EIF4B: variants seen among roughly 807,000 people sequenced by gnomAD.
The protein encoded by EIF4B is eukaryotic translation initiation factor 4B.
Under a neutral mutation model 79.3 loss-of-function variants are expected in EIF4B, and 8 were observed. That is an observed-to-expected ratio of 0.10 (90% CI 0.06 to 0.18). The LOEUF (loss-of-function observed/expected upper bound fraction) is 0.18, where lower values mean the gene tolerates loss of function less well. EIF4B is among the 10% of genes least tolerant of loss of function. EIF4B has a pLI of 1.00. For missense variants in EIF4B, 515 were observed against 792.4 expected (o/e 0.65, Z 4.20); for synonymous variants, 238 against 274.7 (o/e 0.87, Z 1.32).
At chr12:53,020,496 G>C (rs530757335) in intron 4 of EIF4B, among the ~76,000 whole-genome samples, 1 of 152,290 alleles carries the variant, frequency 6.6e-6, no homozygotes, top group Admixed American at 6.5e-5. Context: ...TATTTTACAG[G>C]AGAGTGACAA....
intron 1 of EIF4B, among the ~76,000 whole-genome samples, chr12:53,009,156 G>T (rs1475913181): frequency 1.3e-5 from 2 of 152,206 alleles, no homozygotes; most frequent in African/African-American, 4.8e-5. Context: ...TATCTGGAAA[G>T]TGGTCATTAT....
intron 10 of EIF4B, among the ~76,000 whole-genome samples, chr12:53,036,709 T>G (rs550972778): frequency 1.7e-3 from 254 of 152,036 alleles, no homozygotes; most frequent in Non-Finnish European, 2.2e-3. Context: ...CTTAACTGCA[T>G]TTTTTAAAAA....
chr12:53,009,715 C>G (rs759766205), intron 1 of EIF4B, among the ~76,000 whole-genome samples: 1 of 152,130 alleles, frequency 6.6e-6, no homozygotes, highest in African/African-American at 2.4e-5. Flanking sequence ...CTTACAGATT[C>G]CCTAGTGTCA....
intron 6 of EIF4B, among the ~76,000 whole-genome samples, chr12:53,026,710 T>C (rs1943340297): frequency 6.6e-6 from 1 of 152,128 alleles, no homozygotes; most frequent in Non-Finnish European, 1.5e-5. Flanking sequence ...CAAGTGATCC[T>C]TCCACCTCAT....
intron 6 of EIF4B, among the ~76,000 whole-genome samples, chr12:53,027,063 G>A (rs2120943598): frequency 6.6e-6 from 1 of 150,506 alleles, no homozygotes; most frequent in East Asian, 2.0e-4. Flanking sequence ...ACCAAGGCTG[G>A]AGGATTGCTT....
At chr12:53,033,563 G>A (rs992870273) in intron 8 of EIF4B, among the ~76,000 whole-genome samples, 1 of 146,668 alleles carries the variant, frequency 6.8e-6, no homozygotes, top group African/African-American at 2.5e-5. Context: ...GGATAGTCTC[G>A]ATCTCTTGGC....
intron 1 of EIF4B, 71 bp downstream of exon 1, chr12:53,006,567 C>T (rs2047767614): frequency 1.2e-6 from 2 of 1,610,844 alleles, no homozygotes; most frequent in East Asian, 2.2e-5. Context: ...CCACTGATTT[C>T]CTGAAGTCGG....
chr12:53,039,495 A>C lies in EIF4B; in HGVS notation c.1683-135A>C, dbSNP rs1943593581. The C allele has an allele frequency of 2.4e-6, 3 of 1,266,092 alleles. No individual in the cohort carries two copies. In the South Asian group the frequency reaches 4.3e-5, roughly 18 times the overall value. The allele number at this position is 1,266,092 out of a possible 1,614,324, so 78.4% of individuals were successfully genotyped here. ...ACAGTTAAGATTCTGAAAATCTAGAAGTAATACATCATCCAGACAACAAGG... is the reference window on the plus strand; with the variant it reads ...ACAGTTAAGATTCTGAAAATCTAGACGTAATACATCATCCAGACAACAAGG... On this transcript the variant is annotated intron_variant, in intron 13 of 14. Coordinates refer to ENST00000262056, the MANE Select transcript of EIF4B (RefSeq NM_001417.7).
At chr12:53,019,450 C>CTTTTCTTTTTTTTT (rs1943208491) in intron 3 of EIF4B, among the ~76,000 whole-genome samples, 2 of 65,998 alleles carry the variant, frequency 3.0e-5, no homozygotes, top group Non-Finnish European at 6.3e-5. Context: ...TTTTTTTTTT[C>CTTTTCTTTTTTTTT]TTTTTTTTTT....
chr12:53,037,371 C>T (rs1376801212), intron 10 of EIF4B, 38 bp from the exon 11 acceptor site: 2 of 1,589,330 alleles, frequency 1.3e-6, no homozygotes, highest in East Asian at 2.3e-5. Context: ...TGAGCATCTG[C>T]AGCCTGATAA....
Position 53,034,712 on chromosome 12 carries a change from A to C in EIF4B, c.1306+3A>C. 4 of 1,614,054 alleles carry C rather than the reference A, an allele frequency of 2.5e-6. No individual in the cohort carries two copies. Among genetic ancestry groups the C allele is most frequent in the Non-Finnish European group, 3.4e-6 (4 of 1,179,920 alleles). On this transcript the variant is annotated splice_donor_region_variant and intron_variant, in intron 10 of 14. Transcript: ENST00000262056. ...GACCTCCACCACATCTAGCAGAAGT[A>C]AGTCAGACCAGGGTGGGTATCGTGT...
intron 1 of EIF4B, among the ~76,000 whole-genome samples, chr12:53,007,532 G>A (rs1183452400): frequency 1.3e-5 from 2 of 149,610 alleles, no homozygotes; most frequent in Non-Finnish European, 2.9e-5. Context: ...AGACAACCTT[G>A]GAGGGGAGTA....
intron 10 of EIF4B, among the ~76,000 whole-genome samples, chr12:53,035,159 T>G (rs1356810052): frequency 6.6e-6 from 1 of 152,064 alleles, no homozygotes; most frequent in African/African-American, 2.4e-5. Context: ...TTTGGAAACC[T>G]AAATGGTTCA....
chr12:53,036,414 GTT>G lies in EIF4B; in HGVS notation c.1307-990_1307-989del, dbSNP rs372417033. ...GGCGTGAGCCGCCGTGCCCGGCCTAGTTTTTTATTTTTAAGACAGGGTTTCAT... is the reference window on the plus strand; with the variant it reads ...GGCGTGAGCCGCCGTGCCCGGCCTAGTTTTATTTTTAAGACAGGGTTTCAT... On this transcript the variant is annotated intron_variant, in intron 10 of 14. Coordinates refer to ENST00000262056, the MANE Select transcript of EIF4B (RefSeq NM_001417.7). Among the ~76,000 whole-genome samples the G allele has an allele frequency of 5.7e-3, 868 of 151,898 alleles. 10 individuals carry two copies. Among genetic ancestry groups the G allele is most frequent in the African/African-American group, 0.02 (829 of 41,420 alleles).
chr12:53,034,172 C>A, intron 9 of EIF4B, 138 bp downstream of exon 9: 2 of 836,726 alleles, frequency 2.4e-6, no homozygotes, highest in Non-Finnish European at 3.7e-6. Flanking sequence ...TGGGCTGTGG[C>A]CAGGGGTGTT....
intron 14 of EIF4B, 159 bp downstream of exon 14, chr12:53,039,861 C>T (rs541828086): frequency 2.5e-6 from 2 of 786,584 alleles, no homozygotes; most frequent in South Asian, 3.9e-5. Flanking sequence ...AGACATTGGT[C>T]TTTACTGAAA....
chr12:53,007,666 T>C (rs151190042), intron 1 of EIF4B, among the ~76,000 whole-genome samples: 54 of 152,292 alleles, frequency 3.5e-4, no homozygotes, highest in Non-Finnish European at 5.7e-4. Context: ...GACCTTGCAT[T>C]CTTCAAAACA....
intron 3 of EIF4B, among the ~76,000 whole-genome samples, chr12:53,019,454 T>TTTTTTTTTTTTTTTTTTTTTG: frequency 1.0e-5 from 1 of 98,170 alleles, no homozygotes; most frequent in Non-Finnish European, 2.1e-5. Flanking sequence ...TTTTTTCTTT[T>TTTTTTTTTTTTTTTTTTTTTG]TTTTTTTTTT....
At chr12:53,032,993 C>T (rs1447156365) in intron 8 of EIF4B, among the ~76,000 whole-genome samples, 1 of 150,938 alleles carries the variant, frequency 6.6e-6, no homozygotes, top group Non-Finnish European at 1.5e-5. Context: ...TTTATGCCAC[C>T]TATTTTTATT....
Sources: gnomAD v4.1 joint callset for allele counts (sites outside exome capture counted in the v4.1 genomes callset) on GRCh38, gnomAD v4.1.1 for gene constraint, MANE v1.5 for transcripts, NCBI Gene and HGNC (gene_info 2026-07-23, HGNC 2026-07-21) for gene names.